Variants in CLEC6A observed in about 807,000 individuals in gnomAD.
CLEC6A encodes the protein C-type lectin domain containing 6A.
CLEC6A carries 22 observed loss-of-function variants against 25.7 expected under a neutral mutation model. The ratio of observed to expected loss-of-function variants is 0.85; its 90% CI spans 0.61 to 1.22. CLEC6A has a LOEUF of 1.22. Ranked by LOEUF, CLEC6A falls within the 50% of genes most tolerant of loss-of-function variation. CLEC6A has a pLI of 0.00. For synonymous variants in CLEC6A, 92 were observed against 76.7 expected (o/e 1.20, Z -1.04); for missense variants, 240 against 236.8 (o/e 1.01, Z -0.09).
At chr12:8,460,803 TAG>T (rs780231109) in intron 3 of CLEC6A, 8 of 1,248,558 alleles carry the variant, frequency 6.4e-6, no homozygotes, top group Non-Finnish European at 9.4e-6. Flanking sequence ...ACCTTATATA[TAG>T]GATTCGTGTT....
At chr12:8,460,790 G>A in intron 3 of CLEC6A, 1 of 1,310,250 alleles carries the variant, frequency 7.6e-7, no homozygotes, top group South Asian at 1.2e-5. Flanking sequence ...GCCAAACAAG[G>A]TTACCTTATA....
intron 3 of CLEC6A, chr12:8,461,002 T>A (rs1939746823): frequency 3.6e-6 from 5 of 1,382,342 alleles, no homozygotes; most frequent in Non-Finnish European, 5.1e-6. Context: ...CACATAAAAA[T>A]TTTTGGGGGT....
At chr12:8,474,965 T>A (rs2136367070) in intron 4 of CLEC6A, among the ~76,000 whole-genome samples, 1 of 152,230 alleles carries the variant, frequency 6.6e-6, no homozygotes, top group Non-Finnish European at 1.5e-5. Context: ...ACATGTGCCA[T>A]GTTGGTTTGC....
chr12:8,458,711 T>C (rs1022240810), intron 2 of CLEC6A, among the ~76,000 whole-genome samples: 2 of 152,216 alleles, frequency 1.3e-5, no homozygotes, highest in Non-Finnish European at 2.9e-5. Flanking sequence ...AAAGTTAGAA[T>C]CTGTTTTACT....
chr12:8,459,236 T>A (rs138846021), intron 2 of CLEC6A, among the ~76,000 whole-genome samples: 2,286 of 152,154 alleles, frequency 0.015, 20 homozygotes, highest in Non-Finnish European at 0.024. Context: ...AAAATATTTT[T>A]AAATTATTAT....
At chr12:8,472,394 C>A (rs758364538) in intron 4 of CLEC6A, among the ~76,000 whole-genome samples, 13 of 152,256 alleles carry the variant, frequency 8.5e-5, no homozygotes, top group African/African-American at 3.1e-4. Context: ...TTAGGTGTGA[C>A]AGAAACCAGT....
chr12:8,463,032 T>TA (rs1362441127), intron 3 of CLEC6A, among the ~76,000 whole-genome samples: 1 of 152,268 alleles, frequency 6.6e-6, no homozygotes, highest in Non-Finnish European at 1.5e-5. Flanking sequence ...TAAATACTAT[T>TA]ACAAAGTGTT....
intron 1 of CLEC6A, among the ~76,000 whole-genome samples, chr12:8,456,655 T>C (rs1939679491): frequency 6.6e-6 from 1 of 152,182 alleles, no homozygotes; most frequent in Non-Finnish European, 1.5e-5. Flanking sequence ...TACAAAATAG[T>C]TGTGCATGTT....
Position 8,471,345 on chromosome 12 carries a change from T to C in CLEC6A, c.370-4780T>C, listed in dbSNP as rs78677799. ...CCTCCTCTTCGATTTTTTGATATTG[T>C]TTCAGGAGGATTAGTGTTAATTCTT... On this transcript the variant is annotated intron_variant, in intron 4 of 5. Coordinates refer to ENST00000382073, the MANE Select transcript of CLEC6A (RefSeq NM_001007033.2). Among the ~76,000 whole-genome samples, 758 of 152,214 alleles carry C rather than the reference T, an allele frequency of 5.0e-3. 8 individuals are homozygous for C. The highest frequency in any genetic ancestry group is 0.016 in the African/African-American group (678 of 41,562).
intron 4 of CLEC6A, among the ~76,000 whole-genome samples, chr12:8,468,506 G>A (rs1434257107): frequency 6.6e-6 from 1 of 152,060 alleles, no homozygotes; most frequent in African/African-American, 2.4e-5. Context: ...GCTCTGGCTA[G>A]GACTTCCAGT....
In CLEC6A at chr12:8,462,482, T is replaced by C. The variant is rs758736018; in HGVS notation, c.223+2784T>C. On this transcript the variant is annotated intron_variant, in intron 3 of 5. Transcript: ENST00000382073. The stretch of plus-strand genomic sequence containing the variant: ...TCTCGGTATAAAACCCGATTGTATG[T>C]TCCATCTACTGAGATAGGGGAAAAC... Among the ~76,000 whole-genome samples the C allele has an allele frequency of 7.6e-3, 1,092 of 142,916 alleles. 9 individuals carry two copies. Among genetic ancestry groups the C allele is most frequent in the Middle Eastern group, 0.025 (7 of 284 alleles). The allele number at this position is 142,916 out of a possible 152,430, so 93.8% of individuals were successfully genotyped here. A position where few individuals can be genotyped will look rare whatever the true frequency, so the allele number is the denominator to read the frequency against.
chr12:8,460,938 A>T, intron 3 of CLEC6A: 1 of 872,698 alleles, frequency 1.1e-6, no homozygotes, highest in Non-Finnish European at 1.9e-6. Flanking sequence ...AGCGAGCTGG[A>T]TGCCACTGTG....
intron 4 of CLEC6A, among the ~76,000 whole-genome samples, chr12:8,473,145 G>A (rs774677205): frequency 0.059 from 2,175 of 36,764 alleles, 785 homozygotes; most frequent in African/African-American, 0.15. Context: ...ACAGGCACGC[G>A]CCACCATGCC....
intron 4 of CLEC6A, among the ~76,000 whole-genome samples, 188 bp downstream of exon 4, chr12:8,465,817 T>C (rs1298353064): frequency 6.6e-6 from 1 of 152,198 alleles, no homozygotes; most frequent in African/African-American, 2.4e-5. Context: ...CAACTACCCA[T>C]TTCCCCATCC....
chr12:8,469,109 G>A (rs1939872710), intron 4 of CLEC6A, among the ~76,000 whole-genome samples: 1 of 152,148 alleles, frequency 6.6e-6, no homozygotes, highest in African/African-American at 2.4e-5. Flanking sequence ...CAAAATTAAT[G>A]TACACAAATC....
At chr12:8,466,597 ATAT>A (rs1939833329) in intron 4 of CLEC6A, among the ~76,000 whole-genome samples, 1 of 151,676 alleles carries the variant, frequency 6.6e-6, no homozygotes, top group Non-Finnish European at 1.5e-5. Context: ...ATGTGAGGTA[ATAT>A]CTCATTGTGA....
In CLEC6A at chr12:8,460,652, G is replaced by A; in HGVS notation, c.223+954G>A. ...TACAAGTATATCCAGGAGCTATGGA[G>A]AAAGAAGCAGTCTGATGTCATGAGC... On this transcript the variant is annotated intron_variant, in intron 3 of 5. Coordinates refer to ENST00000382073, the MANE Select transcript of CLEC6A (RefSeq NM_001007033.2). 8.1e-6 allele frequency: 12 copies of A among 1,484,270 alleles called. No individual in the cohort carries two copies. In the South Asian group the frequency reaches 1.4e-4, roughly 17 times the overall value. 91.9% of individuals were successfully genotyped at this position (1,484,270 alleles called of 1,614,324 possible).
In CLEC6A at chr12:8,477,363, G is replaced by GCTTCAATAGT; in HGVS notation, c.534_543dup (p.Trp182AsnfsTer13). 1 of 1,612,376 alleles carries GCTTCAATAGT rather than the reference G, an allele frequency of 6.2e-7. No homozygotes were observed. The highest frequency in any genetic ancestry group is 8.5e-7 in the Non-Finnish European group (1 of 1,178,854). ...GCCCAATCATTCTGCAGAGCAATGT[G>GCTTCAATAGT]CTTCAATAGTCTTCTGGAAACCTAC... is the stretch of plus-strand genomic sequence containing the variant. On this transcript the variant is annotated frameshift_variant, in exon 6 of 6. Transcript: ENST00000382073. LOFTEE classifies it low-confidence loss of function (END_TRUNC).
At chr12:8,463,743 C>G (rs1485581186) in intron 3 of CLEC6A, among the ~76,000 whole-genome samples, 2 of 152,156 alleles carry the variant, frequency 1.3e-5, no homozygotes, top group African/African-American at 4.8e-5. Flanking sequence ...TCTAATAAGG[C>G]TTATCAAATG....
Sources: allele counts gnomAD v4.1 joint callset (sites outside exome capture counted in the v4.1 genomes callset), GRCh38; gene constraint gnomAD v4.1.1; transcripts MANE v1.5; gene names NCBI Gene and HGNC (gene_info 2026-07-23, HGNC 2026-07-21).